PDE3A: variants seen among roughly 807,000 people sequenced by gnomAD.
PDE3A encodes phosphodiesterase 3A.
In PDE3A, 43 loss-of-function variants were observed where a neutral mutation model predicts 98.3. The observed-to-expected ratio is 0.44, with a 90% CI of 0.34 to 0.56. PDE3A has a LOEUF of 0.56. Among genes scored for constraint, PDE3A ranks in the 20% least tolerant of loss-of-function variants. PDE3A has a pLI of 0.01. For missense variants in PDE3A, 1,427 were observed against 1,440.7 expected, an observed-to-expected ratio of 0.99 and a Z score of 0.15; for synonymous variants, 663 against 567.9, an observed-to-expected ratio of 1.17 and a Z score of -2.38.
chr12:20,633,448 A>G (rs560331243), intron 6 of PDE3A, among the ~76,000 whole-genome samples: 2 of 152,296 alleles, frequency 1.3e-5, no homozygotes, highest in East Asian at 3.9e-4. Context: ...ATAAAGGAGG[A>G]GGAGAATGAG....
intron 1 of PDE3A, among the ~76,000 whole-genome samples, chr12:20,486,058 A>G (rs1005723615): frequency 6.6e-6 from 1 of 152,186 alleles, no homozygotes; most frequent in Admixed American, 6.5e-5. Flanking sequence ...ATAAATTCTT[A>G]TTTTAGCCTA....
At chr12:20,667,126 TG>T (rs1565469764) in intron 15 of PDE3A, among the ~76,000 whole-genome samples, 1 of 152,198 alleles carries the variant, frequency 6.6e-6, no homozygotes, top group African/African-American at 2.4e-5. Flanking sequence ...AGAATTTTTT[TG>T]TTTTTGTTTT....
chr12:20,380,644 G>C (rs1943647604), intron 1 of PDE3A, among the ~76,000 whole-genome samples: 1 of 151,690 alleles, frequency 6.6e-6, no homozygotes, highest in African/African-American at 2.4e-5. Context: ...TAGGAAAAAA[G>C]TGATTTCGAA....
chr12:20,652,547 T>G (rs1944945441), intron 14 of PDE3A, among the ~76,000 whole-genome samples: 1 of 152,210 alleles, frequency 6.6e-6, no homozygotes, highest in Non-Finnish European at 1.5e-5. Flanking sequence ...TCATGTGTCT[T>G]TTGGCTGCAT....
chr12:20,482,227 T>A (rs1201923779), intron 1 of PDE3A, among the ~76,000 whole-genome samples: 2 of 137,574 alleles, frequency 1.5e-5, no homozygotes, highest in South Asian at 5.5e-4. Flanking sequence ...ATTGCACACA[T>A]GTATTTTTTT....
chr12:20,647,789 CCTT>C (rs1220010333), intron 12 of PDE3A, among the ~76,000 whole-genome samples: 2 of 151,922 alleles, frequency 1.3e-5, no homozygotes, highest in Non-Finnish European at 2.9e-5. Context: ...TGACTATCTA[CCTT>C]CTTTCCACTT....
At chr12:20,384,683 C>G (rs1943719344) in intron 1 of PDE3A, among the ~76,000 whole-genome samples, 1 of 151,716 alleles carries the variant, frequency 6.6e-6, no homozygotes, top group South Asian at 2.1e-4. Flanking sequence ...TTTTTTTCAC[C>G]CTGTCGCCCC....
At chr12:20,574,637 C>T (rs1942884207) in intron 2 of PDE3A, among the ~76,000 whole-genome samples, 1 of 151,854 alleles carries the variant, frequency 6.6e-6, no homozygotes, top group Admixed American at 6.6e-5. Flanking sequence ...CCACCACCAC[C>T]AGCTCCACCT....
At chr12:20,576,161 TTTAG>T (rs922550320) in intron 2 of PDE3A, among the ~76,000 whole-genome samples, 14 of 152,024 alleles carry the variant, frequency 9.2e-5, no homozygotes, top group Non-Finnish European at 1.9e-4. Flanking sequence ...ATTATACTCT[TTTAG>T]TTATTTTTAA....
chr12:20,425,825 C>G (rs1189671607), intron 1 of PDE3A, among the ~76,000 whole-genome samples: 1 of 152,092 alleles, frequency 6.6e-6, no homozygotes. Context: ...TGATTATGAG[C>G]CTCAATTCTG....
At chr12:20,629,779 G>A in intron 5 of PDE3A, 129 bp from the exon 6 acceptor site, 1 of 685,802 alleles carries the variant, frequency 1.5e-6, no homozygotes, top group Non-Finnish European at 2.6e-6. Context: ...ATGTGGAGGA[G>A]GCCAGCCCGG....
intron 10 of PDE3A, among the ~76,000 whole-genome samples, chr12:20,642,712 A>G (rs565483999): frequency 6.6e-6 from 1 of 152,218 alleles, no homozygotes; most frequent in South Asian, 2.1e-4. Flanking sequence ...TGCTCAACCT[A>G]TATTTAGTTC....
At chr12:20,403,282 T>C (rs1944167606) in intron 1 of PDE3A, among the ~76,000 whole-genome samples, 1 of 152,246 alleles carries the variant, frequency 6.6e-6, no homozygotes, top group Non-Finnish European at 1.5e-5. Context: ...TATACTAGTA[T>C]GTGTGCCTCT....
In PDE3A at chr12:20,688,076, C is replaced by T. The variant is rs1946027570; in HGVS notation, c.*7805C>T. Among the ~76,000 whole-genome samples, 1 of 151,908 alleles carries T rather than the reference C, an allele frequency of 6.6e-6. No homozygotes were observed. The highest frequency in any genetic ancestry group is 2.1e-4 in the South Asian group (1 of 4,828). On this transcript the variant is annotated 3_prime_UTR_variant, in exon 16 of 16. Transcript: ENST00000359062. The stretch of plus-strand genomic sequence containing the variant: ...CAAATAACTGCCAACCAAAGTGACA[C>T]TATAGGGATGTCATTTGTACATGAC...
In PDE3A at chr12:20,535,594, C is replaced by T. The variant is rs545792932; in HGVS notation, c.961-21066C>T. 8.5e-5 allele frequency among the ~76,000 whole-genome samples: 13 copies of T among 152,120 alleles called. No individual in the cohort carries two copies. The South Asian group carries it at 2.7e-3, about 32-fold the overall frequency. ...ATGCATGAACAGTACTTAGTACATG[C>T]CTGGTACACAGTAAGGACTCAACCA... On this transcript the variant is annotated intron_variant, in intron 1 of 15. Coordinates refer to ENST00000359062, the MANE Select transcript of PDE3A (RefSeq NM_000921.5).
At chr12:20,482,558 TTAAAA>T (rs1945649883) in intron 1 of PDE3A, among the ~76,000 whole-genome samples, 1 of 152,210 alleles carries the variant, frequency 6.6e-6, no homozygotes, top group Non-Finnish European at 1.5e-5. Context: ...ATAATACACA[TTAAAA>T]TAAAAGTTTT....
At chr12:20,472,622 A>G (rs1945458354) in intron 1 of PDE3A, among the ~76,000 whole-genome samples, 1 of 152,154 alleles carries the variant, frequency 6.6e-6, no homozygotes, top group South Asian at 2.1e-4. Context: ...CTTAAGAACT[A>G]TTTCTCAGAA....
At position 20,621,310 on chromosome 12, in the gene PDE3A, A is replaced by G; in HGVS notation, c.1439A>G (p.Asn480Ser). 6.3e-7 allele frequency: 1 copy of G among 1,581,534 alleles called. No homozygotes were observed. Among genetic ancestry groups the G allele is most frequent in the South Asian group, 1.1e-5 (1 of 90,422 alleles). The change falls in exon 5 of 16, where the codon AAT (asparagine) becomes AGT (serine). Residue 480 changes from asparagine to serine, a missense_variant. By Grantham distance (46) the Asn-to-Ser change is conservative (BLOSUM62 1). Coordinates refer to ENST00000359062, the MANE Select transcript of PDE3A (RefSeq NM_000921.5). ...EAPSSSPDSW[N>S]NPVMMTLTKS... ...GGTGCTTTTAGTCCTGATTCTTGGA[A>G]TAATCCAGTGATGATGACCCTCACC...
rs1366908569 is a variant in PDE3A at position 20,687,863 on chromosome 12, C to T, written c.*7592C>T. Reference sequence around the variant, plus strand: ...ATTTGCATTTTGGTATTAAAATGTGCTCTGATTTCTGCGGGCATTTGTTCT... The same window carrying T: ...ATTTGCATTTTGGTATTAAAATGTGTTCTGATTTCTGCGGGCATTTGTTCT... On this transcript the variant is annotated 3_prime_UTR_variant, in exon 16 of 16. Coordinates refer to ENST00000359062, the MANE Select transcript of PDE3A (RefSeq NM_000921.5). Among the ~76,000 whole-genome samples, 1 of 133,746 alleles carries T rather than the reference C, an allele frequency of 7.5e-6. No individual in the cohort carries two copies. The highest frequency in any genetic ancestry group is 1.5e-5 in the Non-Finnish European group (1 of 64,648). 87.7% of individuals were successfully genotyped at this position (133,746 alleles called of 152,430 possible).
Sources: allele counts gnomAD v4.1 joint callset (sites outside exome capture counted in the v4.1 genomes callset), GRCh38; gene constraint gnomAD v4.1.1; transcripts MANE v1.5; gene names NCBI Gene and HGNC (gene_info 2026-07-23, HGNC 2026-07-21).